CREB5: variants seen among roughly 807,000 people sequenced by gnomAD.
CREB5 encodes the protein cyclic AMP-responsive element-binding protein 5.
Under a neutral mutation model 57.1 loss-of-function variants are expected in CREB5, and 19 were observed. That is an observed-to-expected ratio of 0.33 (90% CI 0.23 to 0.49). The LOEUF is 0.49. Ranked by LOEUF, CREB5 falls within the 20% of genes least tolerant of loss-of-function variation. CREB5 has a pLI of 0.99. For missense variants in CREB5, 579 were observed against 671.6 expected (o/e 0.86, Z 1.52); for synonymous variants, 238 against 238.3 (o/e 1.00, Z 0.01).
chr7:28,376,623 G>T (rs1055834282), intron 1 of CREB5, among the ~76,000 whole-genome samples: 1 of 152,172 alleles, frequency 6.6e-6, no homozygotes, highest in African/African-American at 2.4e-5. Context: ...CAGAACTGAA[G>T]CCAAAGGTGA....
At chr7:28,716,819 T>C (rs559327411) in intron 5 of CREB5, among the ~76,000 whole-genome samples, 2 of 152,308 alleles carry the variant, frequency 1.3e-5, no homozygotes, top group African/African-American at 4.8e-5. Context: ...TTTGGATCAA[T>C]TGAAACCAGC....
intron 7 of CREB5, among the ~76,000 whole-genome samples, chr7:28,736,542 C>T (rs1803990142): frequency 6.6e-6 from 1 of 152,180 alleles, no homozygotes; most frequent in Non-Finnish European, 1.5e-5. Context: ...GGTGGGTGTC[C>T]TCATTTTTGT....
chr7:28,323,950 A>G (rs529884004), intron 1 of CREB5, among the ~76,000 whole-genome samples: 2 of 152,264 alleles, frequency 1.3e-5, no homozygotes, highest in East Asian at 3.9e-4. Context: ...TAGATCCCTC[A>G]CATATGCAGT....
intron 1 of CREB5, among the ~76,000 whole-genome samples, chr7:28,478,534 C>A (rs902865964): frequency 6.6e-6 from 1 of 152,076 alleles, no homozygotes; most frequent in South Asian, 2.1e-4. Context: ...GTGCCAGCAA[C>A]GTTAAAGCAG....
chr7:28,563,579 G>A (rs1233721306), intron 4 of CREB5, among the ~76,000 whole-genome samples: 6 of 152,208 alleles, frequency 3.9e-5, no homozygotes, highest in African/African-American at 1.4e-4. Context: ...AGGCTGGAGT[G>A]CAGTGGTGCA....
intron 5 of CREB5, among the ~76,000 whole-genome samples, chr7:28,698,801 A>G (rs1300789822): frequency 6.6e-6 from 1 of 152,216 alleles, no homozygotes; most frequent in Non-Finnish European, 1.5e-5. Context: ...AAGCTGTGTT[A>G]TAATTTCTCC....
Position 28,686,480 on chromosome 7 carries a change from GA to G in CREB5, c.465-32259del, listed in dbSNP as rs5883163. On this transcript the variant is annotated intron_variant, in intron 5 of 10. Coordinates refer to ENST00000357727, the MANE Select transcript of CREB5 (RefSeq NM_182898.4). ...ACAGAGGCCGGGTTGGAGGAAAAAA[GA>G]AAAAAAAAAAAAAGCAGAGCAAACC... Among the ~76,000 whole-genome samples the G allele has an allele frequency of 3.0e-3, 351 of 115,384 alleles. 1 individual carries two copies. Among genetic ancestry groups the G allele is most frequent in the African/African-American group, 5.9e-3 (158 of 26,584 alleles). 75.7% of individuals were successfully genotyped at this position (115,384 alleles called of 152,430 possible).
chr7:28,819,524 T>TA lies in CREB5; in HGVS notation c.*246dup, dbSNP rs1365110284. On this transcript the variant is annotated 3_prime_UTR_variant, in exon 11 of 11. Coordinates refer to ENST00000357727, the MANE Select transcript of CREB5 (RefSeq NM_182898.4). ...TTGGTGCTTTTCTCCAGTTTTCTGG[T>TA]ACCAGTTACTTGTTTATAAACTGAA... is the stretch of plus-strand genomic sequence containing the variant. The TA allele has an allele frequency of 4.6e-6, 2 of 436,132 alleles. No homozygotes were observed. The highest frequency in any genetic ancestry group is 4.0e-5 in the African/African-American group (2 of 49,848). 27.0% of individuals were successfully genotyped at this position (436,132 alleles called of 1,614,324 possible).
At chr7:28,611,215 TGGTA>T (rs1355468555) in intron 5 of CREB5, among the ~76,000 whole-genome samples, 3 of 152,082 alleles carry the variant, frequency 2.0e-5, no homozygotes, top group African/African-American at 7.2e-5. Flanking sequence ...CTCAATCTTC[TGGTA>T]GTATTGAAGG....
chr7:28,695,311 C>G (rs959138954), intron 5 of CREB5, among the ~76,000 whole-genome samples: 1 of 152,170 alleles, frequency 6.6e-6, no homozygotes, highest in Admixed American at 6.5e-5. Context: ...AGACCAAGCT[C>G]TAAGGCGGTG....
intron 1 of CREB5, among the ~76,000 whole-genome samples, chr7:28,327,689 C>T (rs1222513641): frequency 1.3e-5 from 2 of 152,086 alleles, no homozygotes; most frequent in South Asian, 2.1e-4. Flanking sequence ...GCCGCACTTC[C>T]TGCTGAACAG....
At chr7:28,409,455 CT>C (rs1006567765), upstream of CREB5, 1 of 160,410 alleles carries the variant, frequency 6.2e-6, no homozygotes, top group African/African-American at 2.4e-5. The surrounding 1 kb of genome is among the most constrained non-coding windows in gnomAD (Gnocchi z 4.4). Context: ...TCGGCCACTT[CT>C]GGGGCTTTTG....
intron 1 of CREB5, among the ~76,000 whole-genome samples, chr7:28,399,881 C>G (rs948635509): frequency 6.6e-6 from 1 of 151,486 alleles, no homozygotes; most frequent in Admixed American, 6.6e-5. Flanking sequence ...ATGGTGAAAC[C>G]CTGTCTCCAC....
chr7:28,433,316 T>C lies in CREB5; in HGVS notation c.3+20399T>C, dbSNP rs115289214. ...TTTCAGCCAAGAGTATTGGGTATTG[T>C]AGTCAAAAAGAAATAGTTGCCAGTT... is the stretch of plus-strand genomic sequence containing the variant. On this transcript the variant is annotated intron_variant, in intron 1 of 10. Coordinates refer to ENST00000357727, the MANE Select transcript of CREB5 (RefSeq NM_182898.4). Among the ~76,000 whole-genome samples the C allele has an allele frequency of 3.6e-3, 551 of 152,354 alleles. 1 individual carries two copies. Among genetic ancestry groups the C allele is most frequent in the African/African-American group, 0.011 (476 of 41,584 alleles).
intron 1 of CREB5, among the ~76,000 whole-genome samples, chr7:28,458,796 G>T (rs529789149): frequency 1.3e-3 from 197 of 152,316 alleles, no homozygotes; most frequent in African/African-American, 4.7e-3. Flanking sequence ...TAAATGGATT[G>T]ACATAAATGC....
intron 1 of CREB5, among the ~76,000 whole-genome samples, chr7:28,388,052 A>T (rs867777625): frequency 6.6e-6 from 1 of 152,160 alleles, no homozygotes. Context: ...TTAAGTTCCT[A>T]TTCAGCTGTA....
intron 5 of CREB5, among the ~76,000 whole-genome samples, chr7:28,655,662 G>A (rs959308056): frequency 1.3e-5 from 2 of 152,096 alleles, no homozygotes; most frequent in African/African-American, 4.8e-5. Context: ...AAGGGTTTCT[G>A]TTAAACTGAA....
chr7:28,613,710 T>C (rs1293280605), intron 5 of CREB5, among the ~76,000 whole-genome samples: 1 of 152,168 alleles, frequency 6.6e-6, no homozygotes, highest in African/African-American at 2.4e-5. Flanking sequence ...GCCAACAAAC[T>C]CAGTAGGCAT....
intron 5 of CREB5, among the ~76,000 whole-genome samples, chr7:28,612,480 A>G (rs1797428593): frequency 6.6e-6 from 1 of 151,784 alleles, no homozygotes. Flanking sequence ...GTTATAGGTA[A>G]ATCCAATAAT....
Sources: allele counts gnomAD v4.1 joint callset (sites outside exome capture counted in the v4.1 genomes callset), GRCh38; gene constraint gnomAD v4.1.1; non-coding constraint Gnocchi (gnomAD v3.1); transcripts MANE v1.5; gene names NCBI Gene and HGNC (gene_info 2026-07-23, HGNC 2026-07-21).